The following SGCD variants were observed in gnomAD, a reference collection of about 807,000 sequenced individuals.
The protein encoded by SGCD is sarcoglycan delta.
SGCD carries 18 observed loss-of-function variants against 36.6 expected under a neutral mutation model. That is an observed-to-expected ratio of 0.49 (90% confidence interval 0.34 to 0.73). SGCD has a LOEUF of 0.73. Among genes scored for constraint, SGCD ranks in the 30% least tolerant of loss-of-function variants. SGCD has a pLI of 0.01. For missense variants in SGCD, 387 were observed against 346.7 expected (o/e 1.12, Z -0.92); for synonymous variants, 133 against 130.6 (o/e 1.02, Z -0.12).
intron 3 of SGCD, among the ~76,000 whole-genome samples, chr5:156,289,504 G>C (rs538934361): frequency 1.3e-5 from 2 of 151,602 alleles, no homozygotes; most frequent in Non-Finnish European, 2.9e-5. Context: ...TCCCCTCTCT[G>C]TGTCCATGTG....
Position 156,520,052 on chromosome 5 carries a change from A to G in SGCD, c.294+11350A>G, listed in dbSNP as rs140203622. Among the ~76,000 whole-genome samples, 337 of 152,306 alleles carry G rather than the reference A, an allele frequency of 2.2e-3. 1 individual carries two copies. Among genetic ancestry groups the G allele is most frequent in the African/African-American group, 7.6e-3 (317 of 41,566 alleles). ...AAGAGAAAGAAATAAAGCATATTCAAATAGGAAGAGAGGAAGTCAAACTAT... is the reference window on the plus strand; with the variant it reads ...AAGAGAAAGAAATAAAGCATATTCAGATAGGAAGAGAGGAAGTCAAACTAT... On this transcript the variant is annotated intron_variant, in intron 4 of 8. Coordinates refer to ENST00000337851, the MANE Select transcript of SGCD (RefSeq NM_000337.6).
intron 1 of SGCD, among the ~76,000 whole-genome samples, chr5:156,065,431 T>C: frequency 8.1e-6 from 1 of 123,144 alleles, no homozygotes; most frequent in Non-Finnish European, 1.7e-5. Flanking sequence ...GGGTGGAGAG[T>C]TCTGTAGATG....
chr5:156,655,820 T>C (rs1303152338), intron 7 of SGCD, among the ~76,000 whole-genome samples: 4 of 152,228 alleles, frequency 2.6e-5, no homozygotes, highest in Middle Eastern at 3.4e-3. Context: ...TGTTTTTTTT[T>C]CCCTCCTGAA....
intron 4 of SGCD, among the ~76,000 whole-genome samples, chr5:156,516,716 G>A (rs1757191800): frequency 6.6e-6 from 1 of 152,162 alleles, no homozygotes; most frequent in Admixed American, 6.5e-5. Context: ...GTAATAATGG[G>A]CTGGACGAGG....
intron 3 of SGCD, among the ~76,000 whole-genome samples, chr5:156,465,780 G>A (rs976641979): frequency 1.3e-5 from 2 of 152,212 alleles, no homozygotes; most frequent in Non-Finnish European, 2.9e-5. Flanking sequence ...AGTCAGGGAA[G>A]TTGGATAGAG....
chr5:156,169,610 G>A (rs567176947), intron 3 of SGCD, among the ~76,000 whole-genome samples: 7 of 152,304 alleles, frequency 4.6e-5, no homozygotes, highest in South Asian at 4.1e-4. Flanking sequence ...GATGAGAAGT[G>A]CTATGGAGAA....
At chr5:155,939,211 C>G (rs1757275195) in intron 1 of SGCD, among the ~76,000 whole-genome samples, 1 of 152,134 alleles carries the variant, frequency 6.6e-6, no homozygotes, top group African/African-American at 2.4e-5. Context: ...TTTAAGTGTT[C>G]TCAAAACAAA....
intron 3 of SGCD, among the ~76,000 whole-genome samples, chr5:156,361,614 GCA>G (rs1463654780): frequency 5.9e-5 from 9 of 152,178 alleles, no homozygotes; most frequent in African/African-American, 2.2e-4. Context: ...CTAAAATTCA[GCA>G]CAGAGTCATA....
intron 3 of SGCD, among the ~76,000 whole-genome samples, chr5:156,264,730 A>T (rs886356103): frequency 6.6e-6 from 1 of 152,148 alleles, no homozygotes; most frequent in Non-Finnish European, 1.5e-5. Context: ...TGAAACCACA[A>T]CAGTTTGGGC....
chr5:156,721,030 A>C (rs1274510252), intron 7 of SGCD, among the ~76,000 whole-genome samples: 1 of 152,164 alleles, frequency 6.6e-6, no homozygotes, highest in African/African-American at 2.4e-5. Context: ...GATGTGAGAG[A>C]AAAGGATCAG....
At chr5:156,745,288 G>A (rs1756892991) in intron 7 of SGCD, among the ~76,000 whole-genome samples, 2 of 152,100 alleles carry the variant, frequency 1.3e-5, no homozygotes, top group Admixed American at 6.5e-5. Context: ...AATGAAAGGG[G>A]AAAAAATAAA....
intron 3 of SGCD, among the ~76,000 whole-genome samples, chr5:156,449,677 CAAAA>C (rs397883573): frequency 2.2e-4 from 10 of 46,048 alleles, no homozygotes; most frequent in Admixed American, 6.1e-4. Context: ...ACTAAAAATA[CAAAA>C]AAAAAAAAAA....
the SGCD span, among the ~76,000 whole-genome samples, chr5:155,806,114 A>G: frequency 6.6e-6 from 1 of 152,158 alleles, no homozygotes; most frequent in Non-Finnish European, 1.5e-5. Flanking sequence ...ATTTCATATG[A>G]TTTTTAAAAC....
Position 156,521,083 on chromosome 5 carries a change from A to T in SGCD, c.294+12381A>T, listed in dbSNP as rs568622834. Among the ~76,000 whole-genome samples, 12 of 152,154 alleles carry T rather than the reference A, an allele frequency of 7.9e-5. No homozygotes were observed. The South Asian group carries it at 2.5e-3, about 32-fold the overall frequency. On this transcript the variant is annotated intron_variant, in intron 4 of 8. Coordinates refer to ENST00000337851, the MANE Select transcript of SGCD (RefSeq NM_000337.6). ...CCATCTGATCTTCAACAAACCTGAC[A>T]AAAACAAGCAATGGGGAAAGTATTC...
At chr5:156,224,226 C>CA (rs1035242216) in intron 3 of SGCD, among the ~76,000 whole-genome samples, 4 of 151,934 alleles carry the variant, frequency 2.6e-5, no homozygotes, top group African/African-American at 9.7e-5. Flanking sequence ...ATAAATGCTA[C>CA]AGCCAGTATT....
chr5:156,729,712 T>C (rs1482633117), intron 7 of SGCD, among the ~76,000 whole-genome samples: 1 of 152,184 alleles, frequency 6.6e-6, no homozygotes, highest in Non-Finnish European at 1.5e-5. Flanking sequence ...TTTTTCTCCA[T>C]TCAGTAAAAT....
At chr5:156,675,495 T>A (rs1466224250) in intron 7 of SGCD, among the ~76,000 whole-genome samples, 1 of 152,150 alleles carries the variant, frequency 6.6e-6, no homozygotes, top group Non-Finnish European at 1.5e-5. Context: ...ACCAATTAAT[T>A]TGCCAGGCTG....
chr5:156,283,412 A>G (rs1053352224), intron 3 of SGCD, among the ~76,000 whole-genome samples: 6 of 152,136 alleles, frequency 3.9e-5, no homozygotes, highest in African/African-American at 1.4e-4. Context: ...GTCTCCTTTA[A>G]TATTTCTTTA....
chr5:156,440,911 A>G (rs1043908277), intron 3 of SGCD, among the ~76,000 whole-genome samples: 1 of 152,090 alleles, frequency 6.6e-6, no homozygotes, highest in African/African-American at 2.4e-5. Flanking sequence ...AGTCATCTTT[A>G]TACTTTCTTG....
Sources: gnomAD v4.1 joint callset for allele counts (sites outside exome capture counted in the v4.1 genomes callset) on GRCh38, gnomAD v4.1.1 for gene constraint, MANE v1.5 for transcripts, NCBI Gene and HGNC (gene_info 2026-07-23, HGNC 2026-07-21) for gene names.